Variants in PDZRN3 observed in about 807,000 individuals in gnomAD.
PDZRN3 encodes PDZ domain containing ring finger 3.
A neutral mutation model predicts 85.7 loss-of-function variants in PDZRN3; 38 were observed. That is an observed-to-expected ratio of 0.44 (90% CI 0.34 to 0.58). PDZRN3 has a LOEUF of 0.58. Among genes scored for constraint, PDZRN3 ranks in the 20% least tolerant of loss-of-function variants. The probability of loss-of-function intolerance (pLI) is 0.01; values close to 1 mark genes in which losing one functional copy is unlikely to be tolerated. For missense variants in PDZRN3, 1,629 were observed against 1,506.4 expected, an observed-to-expected ratio of 1.08 and a Z score of -1.35; for synonymous variants, 759 against 638.0, an observed-to-expected ratio of 1.19 and a Z score of -2.86.
At chr3:73,545,262 G>A (rs1701395953) in intron 3 of PDZRN3, among the ~76,000 whole-genome samples, 1 of 152,168 alleles carries the variant, frequency 6.6e-6, no homozygotes, top group South Asian at 2.1e-4. Flanking sequence ...TTTCATTAAA[G>A]CCTCCATAGG....
intron 3 of PDZRN3, among the ~76,000 whole-genome samples, chr3:73,426,455 A>G (rs1444980173): frequency 6.6e-6 from 1 of 152,146 alleles, no homozygotes; most frequent in Non-Finnish European, 1.5e-5. Context: ...ATAACCTTCA[A>G]TTTTCTACTT....
Position 73,538,935 on chromosome 3 carries a change from C to T in PDZRN3, c.918+63419G>A, listed in dbSNP as rs1191341116. ...TTGTTCCTTAATCTAGTTGCTTATACAAGAGTACATTGATCAAACTGCTTT... is the reference window on the plus strand; with the variant it reads ...TTGTTCCTTAATCTAGTTGCTTATATAAGAGTACATTGATCAAACTGCTTT... On this transcript the variant is annotated intron_variant, in intron 3 of 9. Transcript: ENST00000263666. Among the ~76,000 whole-genome samples, 6 of 152,090 alleles carry T rather than the reference C, an allele frequency of 3.9e-5. No individual in the cohort carries two copies. The South Asian group carries it at 1.0e-3, about 26-fold the overall frequency.
At chr3:73,518,367 A>G (rs536676005) in intron 3 of PDZRN3, among the ~76,000 whole-genome samples, 2 of 152,178 alleles carry the variant, frequency 1.3e-5, no homozygotes, top group African/African-American at 2.4e-5. Context: ...ATAGGTAATT[A>G]TCGTTTAACA....
intron 3 of PDZRN3, among the ~76,000 whole-genome samples, chr3:73,547,020 C>T (rs555084175): frequency 3.3e-5 from 5 of 152,180 alleles, no homozygotes; most frequent in Admixed American, 2.6e-4. Context: ...CTGAAAGGCA[C>T]AGCACCATTC....
intron 7 of PDZRN3, among the ~76,000 whole-genome samples, chr3:73,388,959 G>C (rs919913597): frequency 7.8e-6 from 1 of 128,348 alleles, no homozygotes; most frequent in African/African-American, 3.0e-5. Context: ...AAAAAAAAGA[G>C]GCAGTATGCT....
chr3:73,472,910 C>A (rs376597138), intron 3 of PDZRN3, among the ~76,000 whole-genome samples: 1 of 152,150 alleles, frequency 6.6e-6, no homozygotes, highest in Admixed American at 6.5e-5. Context: ...CTTTCCAATA[C>A]AAATATGCAT....
chr3:73,545,202 G>C (rs919516808), intron 3 of PDZRN3, among the ~76,000 whole-genome samples: 3 of 152,120 alleles, frequency 2.0e-5, no homozygotes, highest in Non-Finnish European at 4.4e-5. Context: ...CCACCACGAC[G>C]GATGGTGCTG....
chr3:73,618,741 A>C (rs970532004), intron 1 of PDZRN3, among the ~76,000 whole-genome samples: 1 of 152,240 alleles, frequency 6.6e-6, no homozygotes, highest in Non-Finnish European at 1.5e-5. Context: ...CAGAATTGCC[A>C]ATTCAAATTG....
intron 3 of PDZRN3, among the ~76,000 whole-genome samples, chr3:73,409,811 A>G (rs1338450946): frequency 6.6e-6 from 1 of 152,182 alleles, no homozygotes. Flanking sequence ...AGTTCAGGAT[A>G]TTTTAGAATG....
intron 1 of PDZRN3, among the ~76,000 whole-genome samples, chr3:73,613,919 G>A (rs1575764071): frequency 6.6e-6 from 1 of 152,050 alleles, no homozygotes; most frequent in East Asian, 1.9e-4. Context: ...TAGGTCTTTA[G>A]GATTAAGAAA....
intron 2 of PDZRN3, among the ~76,000 whole-genome samples, chr3:73,606,144 T>C (rs1251139325): frequency 6.6e-6 from 1 of 152,250 alleles, no homozygotes; most frequent in East Asian, 1.9e-4. Flanking sequence ...GGTTTAGACC[T>C]GGGGCAGGGA....
At chr3:73,487,373 C>A (rs1184166331) in intron 3 of PDZRN3, among the ~76,000 whole-genome samples, 1 of 152,086 alleles carries the variant, frequency 6.6e-6, no homozygotes, top group Non-Finnish European at 1.5e-5. Context: ...AATATAAGTA[C>A]TTAAATAATA....
chr3:73,414,711 A>G, intron 3 of PDZRN3, among the ~76,000 whole-genome samples: 1 of 152,278 alleles, frequency 6.6e-6, no homozygotes, highest in South Asian at 2.1e-4. Context: ...AGAATGGGCT[A>G]TTTTTTCTTT....
rs551561538 is a variant in PDZRN3, at chr3:73,434,416, G to A, written c.919-30021C>T. On this transcript the variant is annotated intron_variant, in intron 3 of 9. Coordinates refer to ENST00000263666, the MANE Select transcript of PDZRN3 (RefSeq NM_015009.3). The stretch of plus-strand genomic sequence containing the variant: ...TATTTAGTGCTTTACAAAGTTGCAG[G>A]GAAAATACTCCACATATGAATAAAA... Among the ~76,000 whole-genome samples, 451 of 152,202 alleles carry A rather than the reference G, an allele frequency of 3.0e-3. 2 individuals carry two copies. The highest frequency in any genetic ancestry group is 5.0e-3 in the Non-Finnish European group (341 of 68,022).
At chr3:73,475,059 G>A in intron 3 of PDZRN3, among the ~76,000 whole-genome samples, 1 of 151,746 alleles carries the variant, frequency 6.6e-6, no homozygotes, top group East Asian at 1.9e-4. Flanking sequence ...TCCAGGCATT[G>A]AGTATCCAAG....
At chr3:73,461,636 G>C (rs1205150262) in intron 3 of PDZRN3, among the ~76,000 whole-genome samples, 1 of 152,252 alleles carries the variant, frequency 6.6e-6, no homozygotes, top group Non-Finnish European at 1.5e-5. Flanking sequence ...TTTTCATGTA[G>C]ATTAGTGACT....
chr3:73,423,642 C>T (rs1193255212), intron 3 of PDZRN3, among the ~76,000 whole-genome samples: 1 of 152,174 alleles, frequency 6.6e-6, no homozygotes, highest in African/African-American at 2.4e-5. Flanking sequence ...ACAAATGTTA[C>T]AGTTTGAGAA....
Position 73,615,217 on chromosome 3 carries a change from G to A in PDZRN3, c.724-6533C>T, listed in dbSNP as rs189049320. ...TTCAGTACTTTCCTCGTTTAAAAAA[G>A]TCTGCTACTATATTTACACAACCTG... is the stretch of plus-strand genomic sequence containing the variant. On this transcript the variant is annotated intron_variant, in intron 1 of 9. Transcript: ENST00000263666. Among the ~76,000 whole-genome samples, 34 of 152,210 alleles carry A rather than the reference G, an allele frequency of 2.2e-4. No individual in the cohort carries two copies. The East Asian group carries it at 5.2e-3, about 23-fold the overall frequency.
At chr3:73,507,893 G>C (rs1029875589) in intron 3 of PDZRN3, among the ~76,000 whole-genome samples, 16 of 152,094 alleles carry the variant, frequency 1.1e-4, no homozygotes, top group African/African-American at 3.6e-4. Flanking sequence ...AGGAGTTCCA[G>C]ACCAGCCTGG....
Sources: gnomAD v4.1 joint callset for allele counts (sites outside exome capture counted in the v4.1 genomes callset) on GRCh38, gnomAD v4.1.1 for gene constraint, MANE v1.5 for transcripts, NCBI Gene and HGNC (gene_info 2026-07-23, HGNC 2026-07-21) for gene names.